CLMP: variants seen among roughly 807,000 people sequenced by gnomAD.
CLMP encodes the protein CXADR like cell adhesion molecule, also known as CXADR-like membrane protein.
A neutral mutation model predicts 45.2 loss-of-function variants in CLMP; 27 were observed. That is an observed-to-expected ratio of 0.60 (90% CI 0.44 to 0.82). CLMP has a LOEUF of 0.82. Ranked by LOEUF, CLMP falls within the 40% of genes least tolerant of loss-of-function variation. The pLI is 0.00. For synonymous variants in CLMP, 167 were observed against 171.4 expected, an observed-to-expected ratio of 0.97 and a Z score of 0.20; for missense variants, 403 against 448.4, an observed-to-expected ratio of 0.90 and a Z score of 0.91.
At chr11:123,118,727 A>G (rs1353800968) in intron 1 of CLMP, among the ~76,000 whole-genome samples, 6 of 152,114 alleles carry the variant, frequency 3.9e-5, no homozygotes, top group African/African-American at 1.4e-4. Context: ...CGTCTCAGCA[A>G]GGGAGGATTT....
At chr11:123,101,265 C>A (rs991402090) in intron 1 of CLMP, among the ~76,000 whole-genome samples, 6 of 152,042 alleles carry the variant, frequency 3.9e-5, no homozygotes, top group African/African-American at 1.5e-4. Flanking sequence ...TGTGCCACAC[C>A]GGCTGATTTT....
At chr11:123,123,075 T>C (rs540440322) in intron 1 of CLMP, among the ~76,000 whole-genome samples, 1 of 151,996 alleles carries the variant, frequency 6.6e-6, no homozygotes, top group African/African-American at 2.4e-5. Flanking sequence ...GGAAAAATAT[T>C]TGTTTAAATC....
At chr11:123,143,214 G>T (rs1861189749) in intron 1 of CLMP, among the ~76,000 whole-genome samples, 1 of 152,178 alleles carries the variant, frequency 6.6e-6, no homozygotes, top group African/African-American at 2.4e-5. Flanking sequence ...TGTGTTAGAA[G>T]GGACATTGGC....
intron 1 of CLMP, among the ~76,000 whole-genome samples, chr11:123,105,199 A>C (rs1019659504): frequency 1.3e-5 from 2 of 152,230 alleles, no homozygotes; most frequent in Non-Finnish European, 2.9e-5. Context: ...TAGCATTGTG[A>C]AAGCACATAG....
In CLMP at chr11:123,073,052, C is replaced by A. The variant is rs570049406; in HGVS notation, c.*422G>T. On this transcript the variant is annotated 3_prime_UTR_variant, in exon 7 of 7. Transcript: ENST00000448775. ...CTTGACTGTCTGAATAACTAATAAT[C>A]CAATAAGTTTGCAGAAATGCATAGA... The A allele has an allele frequency of 1.1e-3, 178 of 164,832 alleles. No individual in the cohort carries two copies. The highest frequency in any genetic ancestry group is 3.7e-3 in the African/African-American group (155 of 41,704). 10.2% of individuals were successfully genotyped at this position (164,832 alleles called of 1,614,324 possible).
At position 123,096,711 on chromosome 11, in the gene CLMP, A is replaced by G. The variant is rs552328538; in HGVS notation, c.186+1084T>C. On this transcript the variant is annotated intron_variant, in intron 2 of 6. Transcript: ENST00000448775. ...AATAGTGATCCTGAAATCTGTTTTC[A>G]GTGAAAACCTTAGCTCTTCCCAACA... 2.0e-5 allele frequency among the ~76,000 whole-genome samples: 3 copies of G among 152,346 alleles called. No individual in the cohort carries two copies. In the East Asian group the frequency reaches 5.8e-4, roughly 29 times the overall value.
chr11:123,112,360 G>A (rs1336257162), intron 1 of CLMP, among the ~76,000 whole-genome samples: 7 of 142,340 alleles, frequency 4.9e-5, no homozygotes, highest in Admixed American at 1.5e-4. Flanking sequence ...TTTTTGAGAC[G>A]GAGTTTTGCT....
At chr11:123,129,430 TA>T in intron 1 of CLMP, among the ~76,000 whole-genome samples, 1 of 96,554 alleles carries the variant, frequency 1.0e-5, no homozygotes, top group Admixed American at 1.1e-4. Flanking sequence ...TTATATAAAA[TA>T]TATATCATAT....
chr11:123,083,149 C>A lies in CLMP; in HGVS notation c.615G>T (p.Leu205=), dbSNP rs147779848. 20 of 1,613,942 alleles carry A rather than the reference C, an allele frequency of 1.2e-5. No homozygotes were observed. The African/African-American group carries it at 2.3e-4, about 18-fold the overall frequency. The part of the protein sequence containing the change: ...LQNLTMSYSG[L]YQCTAGNEAG... ...CTTCGTTGCCTGCTGTGCACTGGTA[C>A]AGTCCAGAGTAGGACATGGTAAGAT... Residue 205 remains leucine, a synonymous_variant, in exon 5 of 7, where the codon CTG becomes CTT. Transcript: ENST00000448775.
At chr11:123,102,388 C>A (rs1299836193) in intron 1 of CLMP, among the ~76,000 whole-genome samples, 7 of 146,342 alleles carry the variant, frequency 4.8e-5, no homozygotes, top group Non-Finnish European at 8.9e-5. Flanking sequence ...TCAAGTGATT[C>A]TCCTGCCTCA....
At chr11:123,128,966 G>C (rs530799390) in intron 1 of CLMP, among the ~76,000 whole-genome samples, 1 of 152,208 alleles carries the variant, frequency 6.6e-6, no homozygotes, top group African/African-American at 2.4e-5. Context: ...CAGAAATACA[G>C]CCAATAATTA....
Position 123,097,940 on chromosome 11 carries a change from A to G in CLMP, c.41T>C (p.Val14Ala). Residue 14 changes from valine (V) to alanine (A), a missense_variant, in exon 2 of 7, where the codon GTT (valine) becomes GCT (alanine). Physicochemically the swap from Val to Ala is moderately conservative, Grantham distance 64 (BLOSUM62 0). Transcript: ENST00000448775. ...LLLLLLVSYY[V>A]GTLGTHTEIK... ...CTCAGTGTGAGTCCCCAAGGTTCCAACATAGTAGGAAACTGGAAGAGGAAA... is the reference window on the plus strand; with the variant it reads ...CTCAGTGTGAGTCCCCAAGGTTCCAGCATAGTAGGAAACTGGAAGAGGAAA... The G allele has an allele frequency of 1.3e-6, 2 of 1,557,968 alleles. No individual in the cohort carries two copies. Among genetic ancestry groups the G allele is most frequent in the South Asian group, 2.4e-5 (2 of 83,700 alleles).
chr11:123,118,623 C>A (rs1860749247), intron 1 of CLMP, among the ~76,000 whole-genome samples: 1 of 152,140 alleles, frequency 6.6e-6, no homozygotes, highest in Non-Finnish European at 1.5e-5. Flanking sequence ...ATGGACTAAC[C>A]CAGACTTCCA....
intron 2 of CLMP, among the ~76,000 whole-genome samples, chr11:123,093,312 A>G (rs1383632936): frequency 2.0e-5 from 3 of 152,138 alleles, no homozygotes; most frequent in African/African-American, 7.2e-5. Flanking sequence ...AGCATCTGAC[A>G]TCTTTGGAAA....
chr11:123,129,277 C>T (rs909974843), intron 1 of CLMP, among the ~76,000 whole-genome samples: 5 of 150,684 alleles, frequency 3.3e-5, no homozygotes, highest in Admixed American at 6.7e-5. Context: ...TTGCAGTGAG[C>T]CGAGATTGTA....
At chr11:123,127,132 G>GT (rs1860907215) in intron 1 of CLMP, among the ~76,000 whole-genome samples, 1 of 150,288 alleles carries the variant, frequency 6.7e-6, no homozygotes, top group Admixed American at 6.6e-5. Flanking sequence ...TTTCTTTCTT[G>GT]TTTTTTTGAG....
Position 123,118,919 on chromosome 11 carries a change from TTTTCTTTTCTTTTCTTTCTTTCTTTC to T in CLMP, c.29-20993_29-20968del, listed in dbSNP as rs1199277502. ...GATTGTCTTCCAGGTGATCTTTGCA[TTTTCTTTTCTTTTCTTTCTTTCTTTC>T]TTTCTTTCTTTCTTTCTTTCTTTCT... On this transcript the variant is annotated intron_variant, in intron 1 of 6. Coordinates refer to ENST00000448775, the MANE Select transcript of CLMP (RefSeq NM_024769.5). Among the ~76,000 whole-genome samples the T allele has an allele frequency of 4.9e-4, 68 of 138,090 alleles. 4 individuals are homozygous for T. Among genetic ancestry groups the T allele is most frequent in the African/African-American group, 1.8e-3 (66 of 36,464 alleles). 90.6% of individuals were successfully genotyped at this position (138,090 alleles called of 152,430 possible).
intron 1 of CLMP, among the ~76,000 whole-genome samples, chr11:123,187,452 TTCTC>T (rs904292342): frequency 1.3e-5 from 2 of 152,182 alleles, no homozygotes; most frequent in African/African-American, 2.4e-5. Flanking sequence ...ACAAAGCAAT[TTCTC>T]TCTCAGGGAT....
chr11:123,127,077 CTA>C (rs1353071214), intron 1 of CLMP, among the ~76,000 whole-genome samples: 1 of 152,008 alleles, frequency 6.6e-6, no homozygotes, highest in Admixed American at 6.6e-5. Context: ...GTACAGGAAA[CTA>C]TGAACATATA....
Sources: allele counts gnomAD v4.1 joint callset (sites outside exome capture counted in the v4.1 genomes callset), GRCh38; gene constraint gnomAD v4.1.1; transcripts MANE v1.5; gene names NCBI Gene and HGNC (gene_info 2026-07-23, HGNC 2026-07-21).